The following FBXL17 variants were observed in gnomAD, a reference collection of about 807,000 sequenced individuals.
FBXL17 encodes the protein F-box/LRR-repeat protein 17.
FBXL17 carries 22 observed loss-of-function variants against 66.2 expected under a neutral mutation model. That is an observed-to-expected ratio of 0.33 (90% CI 0.24 to 0.47). FBXL17 has a LOEUF of 0.47. Ranked by LOEUF, FBXL17 falls within the 20% of genes least tolerant of loss-of-function variation. The pLI is 1.00. For synonymous variants in FBXL17, 474 were observed against 400.5 expected (o/e 1.18, Z -2.19); for missense variants, 878 against 948.2 (o/e 0.93, Z 0.97).
intron 6 of FBXL17, among the ~76,000 whole-genome samples, chr5:108,138,175 T>C (rs1751216552): frequency 1.3e-5 from 2 of 152,152 alleles, no homozygotes; most frequent in Non-Finnish European, 2.9e-5. Context: ...TAATTGGAGA[T>C]ATCTTACAAA....
At chr5:108,365,807 T>C (rs189251450) in intron 2 of FBXL17, among the ~76,000 whole-genome samples, 159 of 152,100 alleles carry the variant, frequency 1.0e-3, no homozygotes, top group South Asian at 1.7e-3. Flanking sequence ...GTTAGAAAAT[T>C]GTTAGTGTGG....
At chr5:108,186,342 T>C in intron 5 of FBXL17, 95 bp from the exon 6 acceptor site, 1 of 1,004,804 alleles carries the variant, frequency 1.0e-6, no homozygotes, top group Non-Finnish European at 1.5e-6. Flanking sequence ...AGAGTATCAC[T>C]GTAAAATATT....
intron 7 of FBXL17, among the ~76,000 whole-genome samples, chr5:107,887,231 T>C (rs1413700312): frequency 6.6e-6 from 1 of 152,196 alleles, no homozygotes; most frequent in Non-Finnish European, 1.5e-5. Flanking sequence ...AAAAAAAGTA[T>C]GGATAAGCTA....
chr5:108,181,488 G>C (rs577370973), intron 6 of FBXL17, among the ~76,000 whole-genome samples: 1 of 152,254 alleles, frequency 6.6e-6, no homozygotes, highest in African/African-American at 2.4e-5. Context: ...TAGTCACAGA[G>C]ATCAATTCAA....
Position 108,382,030 on chromosome 5 carries a change from G to A in FBXL17, c.-339C>T, listed in dbSNP as rs533631757. ...CTCAGTCAGTCAGCGGAGCGGCCGG[G>A]GAAAGGCCGGGTCCCGCTCGGACCA... On this transcript the variant is annotated 5_prime_UTR_variant, in exon 1 of 9. Transcript: ENST00000542267. 2.5e-5 allele frequency: 26 copies of A among 1,027,916 alleles called. No individual in the cohort carries two copies. Among genetic ancestry groups the A allele is most frequent in the Non-Finnish European group, 3.0e-5 (25 of 833,852 alleles). The allele number at this position is 1,027,916 out of a possible 1,614,324, so 63.7% of individuals were successfully genotyped here.
At chr5:108,022,096 C>A (rs552986579) in intron 6 of FBXL17, among the ~76,000 whole-genome samples, 2 of 151,926 alleles carry the variant, frequency 1.3e-5, no homozygotes, top group South Asian at 4.2e-4. Context: ...ATAGAGAAGA[C>A]ATATATGTTT....
chr5:107,958,257 T>A (rs1241595704), intron 7 of FBXL17, among the ~76,000 whole-genome samples: 2 of 152,292 alleles, frequency 1.3e-5, no homozygotes, highest in South Asian at 4.1e-4. Context: ...ATAAAACTGC[T>A]TCTTTATTTT....
intron 4 of FBXL17, among the ~76,000 whole-genome samples, chr5:108,242,502 G>A (rs1410979472): frequency 6.6e-6 from 1 of 152,036 alleles, no homozygotes; most frequent in Non-Finnish European, 1.5e-5. Flanking sequence ...GATTATAGGT[G>A]TAAGCCACTG....
chr5:108,205,664 T>C (rs1489208933), intron 5 of FBXL17, among the ~76,000 whole-genome samples: 7 of 152,200 alleles, frequency 4.6e-5, no homozygotes, highest in South Asian at 2.1e-4. Flanking sequence ...TTTAACATGA[T>C]GCTTTAATCC....
chr5:108,379,198 A>G (rs953754665), intron 1 of FBXL17, among the ~76,000 whole-genome samples: 4 of 152,178 alleles, frequency 2.6e-5, no homozygotes, highest in Admixed American at 1.3e-4. Context: ...CTCATGAAAT[A>G]ATTTGTAAGT....
chr5:107,888,372 G>A (rs1346464729), intron 7 of FBXL17, among the ~76,000 whole-genome samples: 1 of 152,052 alleles, frequency 6.6e-6, no homozygotes, highest in African/African-American at 2.4e-5. Flanking sequence ...TTAACTTTCT[G>A]GAAGCATAAC....
At chr5:108,296,581 T>C (rs1478484559) in intron 4 of FBXL17, among the ~76,000 whole-genome samples, 1 of 151,862 alleles carries the variant, frequency 6.6e-6, no homozygotes, top group African/African-American at 2.4e-5. Flanking sequence ...AAGACTTTGA[T>C]GCAGCTGTAG....
chr5:107,888,507 T>A (rs1023211290), intron 7 of FBXL17, among the ~76,000 whole-genome samples: 34 of 152,208 alleles, frequency 2.2e-4, no homozygotes, highest in African/African-American at 7.7e-4. Flanking sequence ...CGGTCTTTCA[T>A]CCCCACTTCA....
chr5:108,173,844 C>G (rs34388), intron 6 of FBXL17, among the ~76,000 whole-genome samples: 29,691 of 152,098 alleles, frequency 0.2, 2,972 homozygotes, highest in South Asian at 0.32. Context: ...TGAGGATGTG[C>G]TACAACACTG....
chr5:108,346,258 G>A (rs565491734), intron 4 of FBXL17, among the ~76,000 whole-genome samples: 7 of 151,864 alleles, frequency 4.6e-5, no homozygotes, highest in Admixed American at 3.9e-4. Flanking sequence ...ACTTAAATGG[G>A]AAGAACTGTA....
intron 6 of FBXL17, among the ~76,000 whole-genome samples, chr5:108,060,433 A>C (rs1461329196): frequency 1.3e-5 from 2 of 152,194 alleles, no homozygotes; most frequent in Non-Finnish European, 2.9e-5. Context: ...ATCTCAAATT[A>C]GTACATGGGA....
At chr5:108,124,407 T>C (rs1750617910) in intron 6 of FBXL17, among the ~76,000 whole-genome samples, 1 of 151,992 alleles carries the variant, frequency 6.6e-6, no homozygotes, top group Admixed American at 6.6e-5. Flanking sequence ...TCTTCATATG[T>C]AAAATAAGGA....
In FBXL17 at chr5:107,974,997, G is replaced by T. The variant is rs971055724; in HGVS notation, c.1822+45928C>A. Among the ~76,000 whole-genome samples, 6 of 152,100 alleles carry T rather than the reference G, an allele frequency of 3.9e-5. No individual in the cohort carries two copies. The East Asian group carries it at 1.2e-3, about 29-fold the overall frequency. On this transcript the variant is annotated intron_variant, in intron 7 of 8. Coordinates refer to ENST00000542267, the MANE Select transcript of FBXL17 (RefSeq NM_001163315.3). ...ACTTCTGTCTTCATATAATGTTAAT[G>T]CATCATTTATTTATATCAAAAGCCT...
chr5:108,324,392 A>T (rs564436094), intron 4 of FBXL17, among the ~76,000 whole-genome samples: 1 of 152,058 alleles, frequency 6.6e-6, no homozygotes, highest in Admixed American at 6.6e-5. Flanking sequence ...CACATCCATT[A>T]AGATGTCTAC....
Sources: gnomAD v4.1 joint callset for allele counts (sites outside exome capture counted in the v4.1 genomes callset) on GRCh38, gnomAD v4.1.1 for gene constraint, MANE v1.5 for transcripts, NCBI Gene and HGNC (gene_info 2026-07-23, HGNC 2026-07-21) for gene names.